GALNT18: variants seen among roughly 807,000 people sequenced by gnomAD.
GALNT18 encodes the protein GalNAc-transferase 18.
GALNT18 carries 44 observed loss-of-function variants against 69.5 expected under a neutral mutation model. The observed-to-expected ratio is 0.63, with a 90% confidence interval of 0.50 to 0.81. The LOEUF (loss-of-function observed/expected upper bound fraction) is 0.81, where lower values mean the gene tolerates loss of function less well. Ranked by LOEUF, GALNT18 falls within the 40% of genes least tolerant of loss-of-function variation. The pLI, the probability that GALNT18 is intolerant of heterozygous loss-of-function variation, is 0.00. For missense variants in GALNT18, 715 were observed against 810.0 expected, an observed-to-expected ratio of 0.88 and a Z score of 1.42; for synonymous variants, 364 against 318.2, an observed-to-expected ratio of 1.14 and a Z score of -1.53.
intron 6 of GALNT18, among the ~76,000 whole-genome samples, chr11:11,345,535 G>A (rs1850287204): frequency 6.6e-6 from 1 of 152,178 alleles, no homozygotes; most frequent in Non-Finnish European, 1.5e-5. Flanking sequence ...GGGAGGGGCA[G>A]GGGATAAGGA....
At position 11,596,662 on chromosome 11, in the gene GALNT18, C is replaced by G. The variant is rs1255941668; in HGVS notation, c.235+24697G>C. Among the ~76,000 whole-genome samples, 1 of 152,122 alleles carries G rather than the reference C, an allele frequency of 6.6e-6. No homozygotes were observed. Among genetic ancestry groups the G allele is most frequent in the Admixed American group, 6.5e-5 (1 of 15,278 alleles). ...TTATAGTTTGTTTTCAGATCGCCCA[C>G]TGATAGTGATAGAAATACAATTTGT... On this transcript the variant is annotated intron_variant, in intron 1 of 10. Transcript: ENST00000227756. This position sits in a 1 kb window ranked among gnomAD's most constrained non-coding sequence, Gnocchi z 4.2.
Position 11,418,231 on chromosome 11 carries a change from A to G in GALNT18, c.595+14390T>C, listed in dbSNP as rs919797248. ...CATCGGGTGAGGCTTTGTAGGAAAG[A>G]GAGAAGAAGGAATCAAAGAAGTTGT... On this transcript the variant is annotated intron_variant, in intron 3 of 10. Coordinates refer to ENST00000227756, the MANE Select transcript of GALNT18 (RefSeq NM_198516.3). 3.3e-5 allele frequency among the ~76,000 whole-genome samples: 5 copies of G among 152,340 alleles called. 1 individual carries two copies. In the South Asian group the frequency reaches 1.0e-3, roughly 32 times the overall value.
intron 1 of GALNT18, among the ~76,000 whole-genome samples, chr11:11,571,587 G>A (rs756804917): frequency 9.2e-5 from 14 of 152,156 alleles, no homozygotes; most frequent in South Asian, 4.1e-4. Context: ...CAGATCAACC[G>A]CATGTCCAGG....
chr11:11,321,411 T>A (rs889333260), intron 9 of GALNT18, among the ~76,000 whole-genome samples: 1 of 152,182 alleles, frequency 6.6e-6, no homozygotes, highest in African/African-American at 2.4e-5. Flanking sequence ...TATTTTAGTA[T>A]AAAATTCTAC....
rs1854831821 is a variant in GALNT18, at chr11:11,415,363, T to C, written c.595+17258A>G. On this transcript the variant is annotated intron_variant, in intron 3 of 10. Coordinates refer to ENST00000227756, the MANE Select transcript of GALNT18 (RefSeq NM_198516.3). This position sits in a 1 kb window ranked among gnomAD's most constrained non-coding sequence, Gnocchi z 4.1. Reference sequence around the variant, plus strand: ...AAGGGTGGGGGATGACTTAGAATTCTGCCCACACAGTGATCAATAAATAGT... The same window carrying C: ...AAGGGTGGGGGATGACTTAGAATTCCGCCCACACAGTGATCAATAAATAGT... Among the ~76,000 whole-genome samples the C allele has an allele frequency of 6.6e-6, 1 of 152,168 alleles. No individual in the cohort carries two copies. The highest frequency in any genetic ancestry group is 2.4e-5 in the African/African-American group (1 of 41,446).
Position 11,605,197 on chromosome 11 carries a change from G to C in GALNT18, c.235+16162C>G, listed in dbSNP as rs1859719293. ...GTCTGGGGAAAGTGGAGAAGGGTCT[G>C]TGGTGCCAAACTCAGACCCACACTC... On this transcript the variant is annotated intron_variant, in intron 1 of 10. Coordinates refer to ENST00000227756, the MANE Select transcript of GALNT18 (RefSeq NM_198516.3). The surrounding 1 kb of genome is among the most constrained non-coding windows in gnomAD (Gnocchi z 4.7). Among the ~76,000 whole-genome samples the C allele has an allele frequency of 6.6e-6, 1 of 152,186 alleles. No homozygotes were observed. Among genetic ancestry groups the C allele is most frequent in the Admixed American group, 6.5e-5 (1 of 15,282 alleles).
At chr11:11,502,525 G>A (rs1856995879) in intron 1 of GALNT18, among the ~76,000 whole-genome samples, 1 of 152,246 alleles carries the variant, frequency 6.6e-6, no homozygotes, top group African/African-American at 2.4e-5. Flanking sequence ...TACAGGAACA[G>A]CCTGAGTGGA....
chr11:11,336,833 T>G (rs1850122561), intron 7 of GALNT18, among the ~76,000 whole-genome samples: 1 of 151,856 alleles, frequency 6.6e-6, no homozygotes, highest in Admixed American at 6.6e-5. Flanking sequence ...GAAACGAGAG[T>G]CTGGGAGTTT....
intron 9 of GALNT18, among the ~76,000 whole-genome samples, chr11:11,294,204 C>G (rs1849356832): frequency 6.6e-6 from 1 of 152,226 alleles, no homozygotes; most frequent in African/African-American, 2.4e-5. Context: ...TCCAAGGGTT[C>G]CCTCCCAGGG....
rs1250559016 is a variant in GALNT18, at chr11:11,330,817, G to C, written c.1416+1877C>G. Reference sequence around the variant, plus strand: ...GGAGGATGAGAATGCCTTTGGCCAAGACCCAGAATTGCAGTGGCCACATGT... The same window carrying C: ...GGAGGATGAGAATGCCTTTGGCCAACACCCAGAATTGCAGTGGCCACATGT... On this transcript the variant is annotated intron_variant, in intron 8 of 10. Transcript: ENST00000227756. Among the ~76,000 whole-genome samples the C allele has an allele frequency of 3.3e-5, 5 of 152,200 alleles. No homozygotes were observed. The East Asian group carries it at 9.6e-4, about 29-fold the overall frequency.
intron 1 of GALNT18, among the ~76,000 whole-genome samples, chr11:11,547,908 C>T (rs1234815226): frequency 6.6e-6 from 1 of 152,182 alleles, no homozygotes; most frequent in Non-Finnish European, 1.5e-5. Context: ...ACGTACCATG[C>T]TCCTTCAAAC....
At chr11:11,297,599 G>T (rs1849424796) in intron 9 of GALNT18, among the ~76,000 whole-genome samples, 1 of 152,160 alleles carries the variant, frequency 6.6e-6, no homozygotes, top group South Asian at 2.1e-4. Flanking sequence ...CAACCATGAT[G>T]GGGGCCTGGA....
At chr11:11,549,648 T>C (rs866550395) in intron 1 of GALNT18, among the ~76,000 whole-genome samples, 9 of 152,246 alleles carry the variant, frequency 5.9e-5, no homozygotes, top group South Asian at 4.1e-4. Flanking sequence ...CCTACAGCTC[T>C]TTCCCATTAT....
intron 6 of GALNT18, among the ~76,000 whole-genome samples, chr11:11,369,098 A>C (rs894993008): frequency 2.0e-5 from 3 of 152,244 alleles, no homozygotes; most frequent in African/African-American, 7.2e-5. Context: ...ACATAAACTT[A>C]AGTGTCACCA....
chr11:11,330,165 C>G (rs1849993542), intron 8 of GALNT18, among the ~76,000 whole-genome samples: 1 of 152,146 alleles, frequency 6.6e-6, no homozygotes, highest in Admixed American at 6.5e-5. Context: ...TTAATGGGAC[C>G]TATTAGTGGA....
At chr11:11,281,523 C>T (rs1044675801) in intron 10 of GALNT18, among the ~76,000 whole-genome samples, 12 of 152,162 alleles carry the variant, frequency 7.9e-5, no homozygotes, top group Admixed American at 1.3e-4. Flanking sequence ...TTGCCAACAG[C>T]GAGGTGCTGT....
Position 11,358,848 on chromosome 11 carries a change from C to CAA in GALNT18, c.1092+13666_1092+13667insTT, listed in dbSNP as rs1336926707. Among the ~76,000 whole-genome samples the CAA allele has an allele frequency of 3.9e-5, 5 of 128,790 alleles. 1 individual carries two copies. The highest frequency in any genetic ancestry group is 1.5e-4 in the African/African-American group (5 of 33,004). The allele number at this position is 128,790 out of a possible 152,430, so 84.5% of individuals were successfully genotyped here. ...CAAAACACACACACACACACACACA[C>CAA]ACACACACACACACGCACAGACATG... On this transcript the variant is annotated intron_variant, in intron 6 of 10. Coordinates refer to ENST00000227756, the MANE Select transcript of GALNT18 (RefSeq NM_198516.3).
At chr11:11,278,989 C>T (rs914087992) in intron 10 of GALNT18, among the ~76,000 whole-genome samples, 3 of 152,008 alleles carry the variant, frequency 2.0e-5, no homozygotes, top group African/African-American at 7.3e-5. Context: ...TATTATGTAC[C>T]CATTGATGTA....
intron 9 of GALNT18, among the ~76,000 whole-genome samples, chr11:11,319,939 T>C (rs971425277): frequency 6.6e-6 from 1 of 152,236 alleles, no homozygotes; most frequent in African/African-American, 2.4e-5. Flanking sequence ...TTTTGTTCTC[T>C]AAACGCTTTA....
Sources: allele counts gnomAD v4.1 joint callset (sites outside exome capture counted in the v4.1 genomes callset), GRCh38; gene constraint gnomAD v4.1.1; non-coding constraint Gnocchi (gnomAD v3.1); transcripts MANE v1.5; gene names NCBI Gene and HGNC (gene_info 2026-07-23, HGNC 2026-07-21).